SMYD3: variants seen among roughly 807,000 people sequenced by gnomAD.
SMYD3 encodes the protein histone-lysine N-methyltransferase SMYD3.
Under a neutral mutation model 57.7 loss-of-function variants are expected in SMYD3, and 36 were observed. The ratio of observed to expected loss-of-function variants is 0.62; its 90% confidence interval spans 0.48 to 0.82. The LOEUF is 0.82. Ranked by LOEUF, SMYD3 falls within the 40% of genes least tolerant of loss-of-function variation. SMYD3 has a pLI of 0.00. For missense variants in SMYD3, 515 were observed against 538.8 expected (o/e 0.96, Z 0.44); for synonymous variants, 211 against 195.0 (o/e 1.08, Z -0.68).
At chr1:246,225,372 G>C (rs1297086772) in intron 5 of SMYD3, among the ~76,000 whole-genome samples, 2 of 115,806 alleles carry the variant, frequency 1.7e-5, no homozygotes, top group South Asian at 5.3e-4. Context: ...AAAGACACCA[G>C]ATTTGGCAAG....
intron 5 of SMYD3, among the ~76,000 whole-genome samples, chr1:246,000,520 GCC>G (rs933434679): frequency 6.6e-6 from 1 of 152,050 alleles, no homozygotes; most frequent in Non-Finnish European, 1.5e-5. Flanking sequence ...CATCAACCAT[GCC>G]CCTAAACCAA....
At chr1:245,791,325 C>A (rs2047257342) in intron 10 of SMYD3, among the ~76,000 whole-genome samples, 1 of 152,204 alleles carries the variant, frequency 6.6e-6, no homozygotes, top group African/African-American at 2.4e-5. Flanking sequence ...CCAAATTCCT[C>A]TTGGGCACTA....
chr1:246,101,089 T>C (rs545938421), intron 5 of SMYD3, among the ~76,000 whole-genome samples: 1 of 140,200 alleles, frequency 7.1e-6, no homozygotes, highest in Admixed American at 7.0e-5. Flanking sequence ...TTTTTTTTTT[T>C]TTTTTTTTTT....
At chr1:245,991,197 C>T (rs899717155) in intron 5 of SMYD3, among the ~76,000 whole-genome samples, 1 of 152,180 alleles carries the variant, frequency 6.6e-6, no homozygotes, top group African/African-American at 2.4e-5. Context: ...TTTACAGAGC[C>T]TCTCCCACCT....
intron 5 of SMYD3, among the ~76,000 whole-genome samples, chr1:246,048,804 T>C (rs938375061): frequency 6.6e-6 from 1 of 151,860 alleles, no homozygotes; most frequent in African/African-American, 2.4e-5. Context: ...GTTCTTAAAA[T>C]CAATTTCAAG....
At chr1:246,133,873 A>C (rs2061625959) in intron 5 of SMYD3, among the ~76,000 whole-genome samples, 1 of 152,190 alleles carries the variant, frequency 6.6e-6, no homozygotes, top group African/African-American at 2.4e-5. Flanking sequence ...TACTATTTAT[A>C]TAATTAAAAT....
intron 5 of SMYD3, among the ~76,000 whole-genome samples, chr1:246,269,656 C>G (rs1396263211): frequency 1.3e-5 from 2 of 151,598 alleles, no homozygotes; most frequent in East Asian, 1.9e-4. Flanking sequence ...GCAACCTCAA[C>G]CTCCCGAGCC....
intron 5 of SMYD3, among the ~76,000 whole-genome samples, chr1:246,146,912 A>T (rs1476580647): frequency 2.6e-5 from 4 of 152,108 alleles, no homozygotes; most frequent in Non-Finnish European, 5.9e-5. Context: ...CACTGCAGCA[A>T]ACTGACACAG....
At chr1:246,306,670 T>G (rs916934854) in intron 5 of SMYD3, among the ~76,000 whole-genome samples, 2 of 152,322 alleles carry the variant, frequency 1.3e-5, no homozygotes, top group South Asian at 4.1e-4. Context: ...AGGTGTAATA[T>G]TGTAAAACTC....
At chr1:246,282,359 G>C (rs1243632888) in intron 5 of SMYD3, among the ~76,000 whole-genome samples, 6 of 142,048 alleles carry the variant, frequency 4.2e-5, no homozygotes, top group Admixed American at 1.4e-4. Context: ...ATTAGCTGGG[G>C]GTGGTGTTGC....
intron 5 of SMYD3, among the ~76,000 whole-genome samples, chr1:246,307,996 C>T (rs919778870): frequency 6.6e-6 from 1 of 152,148 alleles, no homozygotes; most frequent in Non-Finnish European, 1.5e-5. Flanking sequence ...CTTCCACCTA[C>T]AGTATCTTCC....
chr1:245,805,095 T>C (rs1271544213), intron 10 of SMYD3, among the ~76,000 whole-genome samples: 2 of 151,180 alleles, frequency 1.3e-5, no homozygotes, highest in Non-Finnish European at 2.9e-5. Flanking sequence ...GTTAAAACCC[T>C]GCACAGATAA....
chr1:246,475,647 T>C (rs1261977596), intron 1 of SMYD3, among the ~76,000 whole-genome samples: 1 of 151,954 alleles, frequency 6.6e-6, no homozygotes. Context: ...CTCTGTCTCA[T>C]TGTATTGCCC....
At chr1:246,499,378 T>C (rs2103076101) in intron 1 of SMYD3, among the ~76,000 whole-genome samples, 1 of 147,632 alleles carries the variant, frequency 6.8e-6, no homozygotes, top group East Asian at 2.0e-4. Context: ...TAACAATTTT[T>C]TAAGTAACCA....
At chr1:246,066,859 T>C (rs989041529) in intron 5 of SMYD3, among the ~76,000 whole-genome samples, 4 of 152,236 alleles carry the variant, frequency 2.6e-5, no homozygotes, top group East Asian at 1.9e-4. Context: ...TGTCGTTTTA[T>C]GTGTTGCTGT....
intron 5 of SMYD3, among the ~76,000 whole-genome samples, chr1:246,288,363 G>A (rs962032689): frequency 3.3e-5 from 5 of 151,418 alleles, no homozygotes; most frequent in Non-Finnish European, 5.9e-5. Context: ...AGAAGCTTCT[G>A]GTTTGGTTCA....
At chr1:246,071,374 A>G (rs2060439779) in intron 5 of SMYD3, among the ~76,000 whole-genome samples, 1 of 152,108 alleles carries the variant, frequency 6.6e-6, no homozygotes, top group Admixed American at 6.5e-5. Flanking sequence ...GATGAAGGGG[A>G]ATTTTGCCTT....
chr1:245,809,234 A>G lies in SMYD3; in HGVS notation c.1077-45085T>C, dbSNP rs543163395. Among the ~76,000 whole-genome samples the G allele has an allele frequency of 1.7e-4, 26 of 152,312 alleles. 2 individuals are homozygous for G. Among genetic ancestry groups the G allele is most frequent in the African/African-American group, 5.5e-4 (23 of 41,570 alleles). On this transcript the variant is annotated intron_variant, in intron 10 of 11. Transcript: ENST00000490107. ...AATTACAATTTCATCTGTCAGGCAA[A>G]TAAGAGAAGAAAAAACCTGCAGAAC...
chr1:246,391,215 A>G (rs563436130), intron 1 of SMYD3, among the ~76,000 whole-genome samples: 4 of 144,410 alleles, frequency 2.8e-5, no homozygotes, highest in African/African-American at 5.4e-5. Context: ...GCGAGACTCT[A>G]TATCTGAAAA....
Sources: gnomAD v4.1 joint callset for allele counts (sites outside exome capture counted in the v4.1 genomes callset) on GRCh38, gnomAD v4.1.1 for gene constraint, MANE v1.5 for transcripts, NCBI Gene and HGNC (gene_info 2026-07-23, HGNC 2026-07-21) for gene names.